The following KCTD10 variants were observed in gnomAD, a reference collection of about 807,000 sequenced individuals.
KCTD10 encodes the protein potassium channel tetramerization domain containing 10.
A neutral mutation model predicts 34.6 loss-of-function variants in KCTD10; 13 were observed. That is an observed-to-expected ratio of 0.38 (90% CI 0.24 to 0.60). KCTD10 has a LOEUF of 0.60. Among genes scored for constraint, KCTD10 ranks in the 20% least tolerant of loss-of-function variants. The pLI is 0.66. For synonymous variants in KCTD10, 156 were observed against 168.8 expected (o/e 0.92, Z 0.59); for missense variants, 256 against 420.3 (o/e 0.61, Z 3.42).
At chr12:109,465,525 C>T (rs1290334007) in intron 2 of KCTD10, among the ~76,000 whole-genome samples, 2 of 152,136 alleles carry the variant, frequency 1.3e-5, no homozygotes, top group Non-Finnish European at 2.9e-5. Flanking sequence ...CAGTACTGAC[C>T]TCCTCAGGTG....
In KCTD10 at chr12:109,460,549, T is replaced by G; in HGVS notation, c.387+87A>C. On this transcript the variant is annotated intron_variant, in intron 3 of 6. Coordinates refer to ENST00000228495, the MANE Select transcript of KCTD10 (RefSeq NM_031954.5). This position sits in a 1 kb window ranked among gnomAD's most constrained non-coding sequence, Gnocchi z 4.5. ...CACAACATCTCAGTCAGACAGAAAC[T>G]GCCCCCATTTTGCAGAGAGGGAAAA... is the stretch of plus-strand genomic sequence containing the variant. The G allele has an allele frequency of 7.3e-7, 1 of 1,363,494 alleles. No homozygotes were observed. The highest frequency in any genetic ancestry group is 1.0e-6 in the Non-Finnish European group (1 of 981,592). 84.5% of individuals were successfully genotyped at this position (1,363,494 alleles called of 1,614,324 possible).
At position 109,450,556 on chromosome 12, in the gene KCTD10, T is replaced by C; in HGVS notation, c.*1039A>G. ...CTGTGTTTATAGCAGGGAAGCTCCCTGGGGCTGGTGGTGTGAGGGTGTCCC... is the reference window on the plus strand; with the variant it reads ...CTGTGTTTATAGCAGGGAAGCTCCCCGGGGCTGGTGGTGTGAGGGTGTCCC... On this transcript the variant is annotated 3_prime_UTR_variant, in exon 7 of 7. Coordinates refer to ENST00000228495, the MANE Select transcript of KCTD10 (RefSeq NM_031954.5). 1 of 394,718 alleles carries C rather than the reference T, an allele frequency of 2.5e-6. No homozygotes were observed. Among genetic ancestry groups the C allele is most frequent in the Non-Finnish European group, 4.5e-6 (1 of 224,150 alleles). The allele number at this position is 394,718 out of a possible 1,614,324, so 24.5% of individuals were successfully genotyped here.
Position 109,449,938 on chromosome 12 carries a change from G to T in KCTD10, c.*1657C>A, listed in dbSNP as rs1872680077. ...AGTTTCTCACACGACAGTTTAAAAA[G>T]CATCTGCCCAATACACGATTTTGAC... is the stretch of plus-strand genomic sequence containing the variant. On this transcript the variant is annotated 3_prime_UTR_variant, in exon 7 of 7. Transcript: ENST00000228495. 1 of 219,770 alleles carries T rather than the reference G, an allele frequency of 4.6e-6. No individual in the cohort carries two copies. Among genetic ancestry groups the T allele is most frequent in the Non-Finnish European group, 8.9e-6 (1 of 112,642 alleles). The allele number at this position is 219,770 out of a possible 1,614,324, so 13.6% of individuals were successfully genotyped here.
intron 2 of KCTD10, 124 bp downstream of exon 2, chr12:109,469,391 G>T: frequency 9.0e-7 from 1 of 1,112,450 alleles, no homozygotes; most frequent in Non-Finnish European, 1.3e-6. Flanking sequence ...CAAGATGGTG[G>T]GAGTCCCCAA....
At chr12:109,474,908 T>C (rs911937964) in intron 1 of KCTD10, among the ~76,000 whole-genome samples, 1 of 152,132 alleles carries the variant, frequency 6.6e-6, no homozygotes, top group Non-Finnish European at 1.5e-5. Flanking sequence ...TGTGTGCCTG[T>C]GTGTGTGTTA....
intron 1 of KCTD10, among the ~76,000 whole-genome samples, chr12:109,476,924 C>G (rs1169065803): frequency 6.6e-6 from 1 of 152,130 alleles, no homozygotes; most frequent in Admixed American, 6.5e-5. Flanking sequence ...CTTTGTTCTC[C>G]TCGCAATCAC....
chr12:109,464,515 C>T (rs762119644), intron 2 of KCTD10, among the ~76,000 whole-genome samples: 1 of 152,016 alleles, frequency 6.6e-6, no homozygotes, highest in African/African-American at 2.4e-5. Context: ...TGTAAAAAAG[C>T]GATTTAAACT....
In KCTD10 at chr12:109,450,762, C is replaced by T. The variant is rs1872732498; in HGVS notation, c.*833G>A. The stretch of plus-strand genomic sequence containing the variant: ...TCAGATGGCCTTCCTGGAGTGGAGT[C>T]GGGTCAATCAGGAGAACAACTGGAC... On this transcript the variant is annotated 3_prime_UTR_variant, in exon 7 of 7. Transcript: ENST00000228495. The T allele has an allele frequency of 6.0e-6, 1 of 166,422 alleles. No homozygotes were observed. The highest frequency in any genetic ancestry group is 1.3e-5 in the Non-Finnish European group (1 of 77,696). 10.3% of individuals were successfully genotyped at this position (166,422 alleles called of 1,614,324 possible). A position where few individuals can be genotyped will look rare whatever the true frequency, so the allele number is the denominator to read the frequency against.
intron 2 of KCTD10, among the ~76,000 whole-genome samples, chr12:109,466,110 T>C (rs1333640481): frequency 1.3e-5 from 2 of 152,164 alleles, no homozygotes; most frequent in African/African-American, 4.8e-5. Flanking sequence ...GGAAAGGGCA[T>C]GCTCACTGCC....
chr12:109,450,691 C>T lies in KCTD10; in HGVS notation c.*904G>A, dbSNP rs1353640993. 1 of 246,118 alleles carries T rather than the reference C, an allele frequency of 4.1e-6. No homozygotes were observed. The highest frequency in any genetic ancestry group is 7.7e-6 in the Non-Finnish European group (1 of 129,102). The allele number at this position is 246,118 out of a possible 1,614,324, so 15.2% of individuals were successfully genotyped here. A position where few individuals can be genotyped will look rare whatever the true frequency, so the allele number is the denominator to read the frequency against. ...CATGGGGAAGGAGGCTGAAGAGGAGCGGGATCCCAGGGAGGGGTAGTTTAT... is the reference window on the plus strand; with the variant it reads ...CATGGGGAAGGAGGCTGAAGAGGAGTGGGATCCCAGGGAGGGGTAGTTTAT... On this transcript the variant is annotated 3_prime_UTR_variant, in exon 7 of 7. Transcript: ENST00000228495.
In KCTD10 at chr12:109,475,334, G is replaced by A. The variant is rs539805723; in HGVS notation, c.3+1926C>T. On this transcript the variant is annotated intron_variant, in intron 1 of 6. Transcript: ENST00000228495. ...AAAAAATTAAAAAAAAAAATTAACC[G>A]GTCATGGTGGCACACACCTGTAGTC... is the stretch of plus-strand genomic sequence containing the variant. Among the ~76,000 whole-genome samples the A allele has an allele frequency of 1.3e-4, 20 of 152,108 alleles. 1 individual carries two copies. In the East Asian group the frequency reaches 2.5e-3, roughly 19 times the overall value.
At chr12:109,469,844 A>G in intron 1 of KCTD10, 116 bp from the exon 2 acceptor site, 1 of 1,472,626 alleles carries the variant, frequency 6.8e-7, no homozygotes, top group South Asian at 1.4e-5. Flanking sequence ...CACAGCATTT[A>G]AAAGTTTGCT....
At position 109,450,553 on chromosome 12, in the gene KCTD10, C is replaced by A. The variant is rs1277458512; in HGVS notation, c.*1042G>T. On this transcript the variant is annotated 3_prime_UTR_variant, in exon 7 of 7. Transcript: ENST00000228495. ...GGTCTGTGTTTATAGCAGGGAAGCT[C>A]CCTGGGGCTGGTGGTGTGAGGGTGT... The A allele has an allele frequency of 1.8e-5, 7 of 395,396 alleles. No individual in the cohort carries two copies. The highest frequency in any genetic ancestry group is 3.1e-5 in the Non-Finnish European group (7 of 224,688). The allele number at this position is 395,396 out of a possible 1,614,324, so 24.5% of individuals were successfully genotyped here. A position where few individuals can be genotyped will look rare whatever the true frequency, so the allele number is the denominator to read the frequency against.
At chr12:109,458,522 G>C (rs1164019831) in intron 3 of KCTD10, 1 of 157,094 alleles carries the variant, frequency 6.4e-6, no homozygotes, top group African/African-American at 2.4e-5. Flanking sequence ...AGGGTAGAAA[G>C]GTCACAGGTG....
At chr12:109,472,923 C>T (rs966959245) in intron 1 of KCTD10, among the ~76,000 whole-genome samples, 1 of 152,174 alleles carries the variant, frequency 6.6e-6, no homozygotes, top group Non-Finnish European at 1.5e-5. Context: ...GTGTTTTGGT[C>T]AATACTTGCA....
chr12:109,457,960 A>C (rs1258077118), intron 4 of KCTD10, 32 bp downstream of exon 4: 1 of 1,545,414 alleles, frequency 6.5e-7, no homozygotes, highest in Non-Finnish European at 8.9e-7. Flanking sequence ...TCTGGTAGCA[A>C]AAGAAATTCC....
chr12:109,457,773 T>C (rs1237719928), intron 4 of KCTD10, 91 bp from the exon 5 acceptor site: 19 of 1,349,040 alleles, frequency 1.4e-5, no homozygotes, highest in Non-Finnish European at 1.8e-5. Flanking sequence ...GGCCCTGCCC[T>C]GCATCAGAAG....
chr12:109,477,213 C>T (rs767067337), intron 1 of KCTD10, 47 bp downstream of exon 1: 6 of 1,611,728 alleles, frequency 3.7e-6, no homozygotes, highest in Non-Finnish European at 5.1e-6. Flanking sequence ...CTGCCCAGCT[C>T]CCTCGGCCGC....
intron 1 of KCTD10, among the ~76,000 whole-genome samples, chr12:109,475,412 G>C (rs754280878): frequency 6.6e-6 from 1 of 152,176 alleles, no homozygotes; most frequent in Non-Finnish European, 1.5e-5. Context: ...GGGAAGGTGA[G>C]GCTTTAGTGA....
Sources: gnomAD v4.1 joint callset for allele counts (sites outside exome capture counted in the v4.1 genomes callset) on GRCh38, gnomAD v4.1.1 for gene constraint, Gnocchi (gnomAD v3.1) non-coding constraint, MANE v1.5 for transcripts, NCBI Gene and HGNC (gene_info 2026-07-23, HGNC 2026-07-21) for gene names.